MAP3K15: variants seen among roughly 807,000 people sequenced by gnomAD.
MAP3K15 encodes the protein mitogen-activated protein kinase kinase kinase 15.
Under a neutral mutation model 99.5 loss-of-function variants are expected in MAP3K15, and 124 were observed. The ratio of observed to expected loss-of-function variants is 1.25; its 90% confidence interval spans 1.08 to 1.45. The LOEUF (loss-of-function observed/expected upper bound fraction) is 1.45, where lower values mean the gene tolerates loss of function less well. Ranked by LOEUF, MAP3K15 falls within the 40% of genes most tolerant of loss-of-function variation. The probability of loss-of-function intolerance (pLI) is 0.00; values close to 1 mark genes in which losing one functional copy is unlikely to be tolerated. For missense variants in MAP3K15, 1,242 were observed against 1,079.7 expected, an observed-to-expected ratio of 1.15 and a Z score of -2.11; for synonymous variants, 494 against 439.6, an observed-to-expected ratio of 1.12 and a Z score of -1.55.
At chrX:19,433,554 C>G (rs778908581) in intron 6 of MAP3K15, among the ~76,000 whole-genome samples, 10 of 110,953 alleles carry the variant, frequency 9.0e-5, no homozygotes, top group Non-Finnish European at 1.3e-4. Context: ...CACAAGCATT[C>G]CTGGTTCTCC....
intron 1 of MAP3K15, among the ~76,000 whole-genome samples, chrX:19,493,111 G>A (rs750847346): frequency 9.0e-6 from 1 of 110,670 alleles, no homozygotes; most frequent in Admixed American, 9.7e-5. Context: ...GGGGAATAGC[G>A]GAACGGGGCA....
chrX:19,473,068 T>C (rs920518692), intron 3 of MAP3K15, among the ~76,000 whole-genome samples: 2 of 111,993 alleles, frequency 1.8e-5, no homozygotes, highest in African/African-American at 3.2e-5. Flanking sequence ...CGTTTAGCCA[T>C]AGTTAGAGAA....
At chrX:19,460,762 T>G (rs750746984) in intron 4 of MAP3K15, among the ~76,000 whole-genome samples, 4 of 98,311 alleles carry the variant, frequency 4.1e-5, no homozygotes, top group East Asian at 3.0e-4. Context: ...TGTTTTTTTG[T>G]TTTTTTTTTT....
chrX:19,423,940 A>C (rs1161861716), intron 9 of MAP3K15, among the ~76,000 whole-genome samples: 1 of 111,411 alleles, frequency 9.0e-6, no homozygotes, highest in African/African-American at 3.3e-5. Context: ...ATTAAGGCTC[A>C]ATGAGCTTTA....
intron 3 of MAP3K15, among the ~76,000 whole-genome samples, chrX:19,471,067 G>A (rs1015692875): frequency 3.6e-5 from 4 of 110,875 alleles, no homozygotes; most frequent in African/African-American, 1.3e-4. Context: ...GAAATAATCA[G>A]CAAACTTGAA....
rs146477780 is a variant in MAP3K15, at chrX:19,486,532, T to C, written c.502-27A>G. 639 of 806,566 alleles carry C rather than the reference T, an allele frequency of 7.9e-4. 1 individual carries two copies. In the African/African-American group the frequency reaches 0.012, roughly 15 times the overall value. 66.5% of individuals were successfully genotyped at this position (806,566 alleles called of 1,213,427 possible). On this transcript the variant is annotated intron_variant, in intron 2 of 28. Transcript: ENST00000338883. The stretch of plus-strand genomic sequence containing the variant: ...TGAAAAGAAAAAGAAAAGATGAATA[T>C]AGCTTTTTGTAAAACAGCTAATTTC...
rs758512620 is a variant in MAP3K15 at position 19,426,335 on chromosome X, T to C, written c.1175A>G (p.Lys392Arg). Residue 392 changes from lysine to arginine, a missense_variant, in exon 8 of 29, where the codon AAA (lysine) becomes AGA (arginine). Transcript: ENST00000338883. ...SRDSAIEWYR[K>R]GFELQSSLYS... ...GAGGGATGACTGGAGTTCAAACCCT[T>C]TGCGATACCTATAATTACAGAACCA... The C allele has an allele frequency of 1.9e-6, 2 of 1,080,817 alleles. No individual in the cohort carries two copies. The highest frequency in any genetic ancestry group is 4.5e-5 in the South Asian group (2 of 44,840). The allele number at this position is 1,080,817 out of a possible 1,213,427, so 89.1% of individuals were successfully genotyped here.
At chrX:19,438,630 C>T (rs2063938644) in intron 6 of MAP3K15, among the ~76,000 whole-genome samples, 2 of 111,869 alleles carry the variant, frequency 1.8e-5, no homozygotes, top group Admixed American at 1.9e-4. Flanking sequence ...CATCAACCAT[C>T]CTGTCTCCCT....
intron 16 of MAP3K15, 57 bp from the exon 17 acceptor site, chrX:19,392,530 A>G: frequency 8.8e-7 from 1 of 1,141,193 alleles, no homozygotes; most frequent in Non-Finnish European, 1.2e-6. Flanking sequence ...ATAAAAGTTC[A>G]GGGAAATAAA....
chrX:19,484,623 G>A (rs1388922122), intron 3 of MAP3K15, among the ~76,000 whole-genome samples: 1 of 111,705 alleles, frequency 9.0e-6, no homozygotes, highest in African/African-American at 3.3e-5. Context: ...TCTCCGGGAC[G>A]AGAGACTATT....
intron 10 of MAP3K15, chrX:19,414,456 C>T (rs772191661): frequency 1.7e-4 from 28 of 161,198 alleles, no homozygotes; most frequent in African/African-American, 5.1e-4. Flanking sequence ...AAATTCTCAA[C>T]GCATAAATAT....
At chrX:19,493,787 C>T (rs1298100110) in intron 1 of MAP3K15, among the ~76,000 whole-genome samples, 2 of 110,949 alleles carry the variant, frequency 1.8e-5, no homozygotes, top group African/African-American at 6.6e-5. Flanking sequence ...GGTTAACAGA[C>T]TCGCCCAAGG....
intron 4 of MAP3K15, among the ~76,000 whole-genome samples, chrX:19,461,917 G>A (rs1338941673): frequency 2.7e-5 from 3 of 110,193 alleles, no homozygotes; most frequent in African/African-American, 6.6e-5. Flanking sequence ...CTCGAACCCG[G>A]GAGGCAGAGG....
intron 3 of MAP3K15, among the ~76,000 whole-genome samples, chrX:19,474,547 G>GA (rs1220896142): frequency 1.0e-5 from 1 of 97,448 alleles, no homozygotes; most frequent in Non-Finnish European, 2.1e-5. Flanking sequence ...GGAGGTTGGG[G>GA]GGGGGGGTCT....
At chrX:19,382,222 C>T (rs1026970994) in intron 18 of MAP3K15, among the ~76,000 whole-genome samples, 5 of 87,096 alleles carry the variant, frequency 5.7e-5, no homozygotes, top group African/African-American at 1.5e-4. Flanking sequence ...CCAGCCTTGG[C>T]GACAGAGCGA....
chrX:19,464,380 G>A lies in MAP3K15; in HGVS notation c.552C>T (p.Ile184=), dbSNP rs5955788. The A allele has an allele frequency of 2.5e-4, 291 of 1,186,217 alleles. 1 individual carries two copies. In the African/African-American group the frequency reaches 4.6e-3, roughly 19 times the overall value. Residue 184 remains isoleucine, a synonymous_variant, in exon 4 of 29, where the codon ATC becomes ATT. Transcript: ENST00000338883. ...NTASSGNYYF[I]PYIVTPCADY... The stretch of plus-strand genomic sequence containing the variant: ...CAGCGCACGGTGTCACGATGTATGG[G>A]ATGAAATAATAATTTCCACTGGATG...
intron 3 of MAP3K15, among the ~76,000 whole-genome samples, chrX:19,478,309 A>T (rs1290887861): frequency 9.8e-6 from 1 of 102,229 alleles, no homozygotes; most frequent in African/African-American, 3.6e-5. Flanking sequence ...TTCTTGTTTG[A>T]AATTGAGTCT....
intron 6 of MAP3K15, among the ~76,000 whole-genome samples, chrX:19,450,558 G>A (rs1284660690): frequency 1.8e-5 from 2 of 109,484 alleles, no homozygotes; most frequent in Non-Finnish European, 3.9e-5. Flanking sequence ...AAATATACAC[G>A]TGTAATTTTT....
chrX:19,442,524 A>AT (rs11349966), intron 6 of MAP3K15, among the ~76,000 whole-genome samples: 32 of 76,911 alleles, frequency 4.2e-4, no homozygotes, highest in Non-Finnish European at 7.1e-4. Flanking sequence ...CCATTCAACA[A>AT]TTTTTTTTTT....
Sources: gnomAD v4.1 joint callset for allele counts (sites outside exome capture counted in the v4.1 genomes callset) on GRCh38, gnomAD v4.1.1 for gene constraint, MANE v1.5 for transcripts, NCBI Gene and HGNC (gene_info 2026-07-23, HGNC 2026-07-21) for gene names.